TENM2: variants seen among roughly 807,000 people sequenced by gnomAD.
TENM2 encodes the protein teneurin transmembrane protein 2.
Under a neutral mutation model 245.2 loss-of-function variants are expected in TENM2, and 52 were observed. The observed-to-expected ratio is 0.21, with a 90% confidence interval of 0.17 to 0.27. The LOEUF is 0.27. TENM2 is among the 10% of genes least tolerant of loss of function. The pLI is 1.00. For synonymous variants in TENM2, 1,363 were observed against 1,438.9 expected (o/e 0.95, Z 1.19); for missense variants, 3,046 against 3,666.8 (o/e 0.83, Z 4.37).
chr5:167,950,256 T>G (rs1015419649), intron 3 of TENM2, among the ~76,000 whole-genome samples: 1 of 152,156 alleles, frequency 6.6e-6, no homozygotes, highest in Non-Finnish European at 1.5e-5. Context: ...CCCTGGATAT[T>G]GTCAGCACAC....
At chr5:167,336,329 T>A (rs985709911) in intron 1 of TENM2, among the ~76,000 whole-genome samples, 11 of 151,632 alleles carry the variant, frequency 7.3e-5, no homozygotes, top group African/African-American at 2.7e-4. Context: ...CTGCTTGGAG[T>A]GTGTACCAAG....
the TENM2 span, among the ~76,000 whole-genome samples, chr5:167,084,351 A>ATATG: frequency 9.2e-6 from 1 of 108,864 alleles, no homozygotes; most frequent in African/African-American, 3.2e-5. Context: ...ATATATATAT[A>ATATG]TATATATATA....
chr5:167,860,906 G>T (rs1408196535), intron 2 of TENM2, among the ~76,000 whole-genome samples: 1 of 116,134 alleles, frequency 8.6e-6, no homozygotes, highest in Non-Finnish European at 1.8e-5. Context: ...CAAACACTGC[G>T]GAAGGCCGCA....
intron 2 of TENM2, among the ~76,000 whole-genome samples, chr5:167,524,916 G>T (rs1159825924): frequency 6.6e-6 from 1 of 151,916 alleles, no homozygotes; most frequent in Non-Finnish European, 1.5e-5. Flanking sequence ...CCTGGAAGAA[G>T]TTAGCAGCAT....
chr5:167,783,657 G>A (rs1764361217), intron 2 of TENM2, among the ~76,000 whole-genome samples: 1 of 152,182 alleles, frequency 6.6e-6, no homozygotes, highest in Non-Finnish European at 1.5e-5. Context: ...AGATGCTGCT[G>A]GCCTTCTGAG....
intron 2 of TENM2, among the ~76,000 whole-genome samples, chr5:167,715,110 G>T (rs1311562100): frequency 6.6e-6 from 1 of 152,064 alleles, no homozygotes; most frequent in African/African-American, 2.4e-5. Flanking sequence ...AAATCTCTTG[G>T]TCTTGGAAGG....
intron 2 of TENM2, among the ~76,000 whole-genome samples, chr5:167,746,836 G>A (rs1157176618): frequency 6.6e-6 from 1 of 151,994 alleles, no homozygotes; most frequent in Non-Finnish European, 1.5e-5. Flanking sequence ...CTATGTGTGT[G>A]TGCGTGTGTG....
intron 2 of TENM2, among the ~76,000 whole-genome samples, chr5:167,717,156 A>C (rs983798000): frequency 6.6e-6 from 1 of 151,928 alleles, no homozygotes; most frequent in Non-Finnish European, 1.5e-5. Flanking sequence ...GGGTTTCACC[A>C]TGTTGGCCAG....
At chr5:167,128,604 A>G in the TENM2 span, among the ~76,000 whole-genome samples, 1 of 151,742 alleles carries the variant, frequency 6.6e-6, no homozygotes, top group Admixed American at 6.6e-5. Context: ...AGTTAATACC[A>G]AAGCTCTACT....
At chr5:167,797,491 G>A (rs916168489) in intron 2 of TENM2, among the ~76,000 whole-genome samples, 4 of 152,180 alleles carry the variant, frequency 2.6e-5, no homozygotes, top group Non-Finnish European at 4.4e-5. Context: ...CTGGAAGATA[G>A]ATGCTCATTT....
At chr5:167,780,572 G>A (rs1234223356) in intron 2 of TENM2, among the ~76,000 whole-genome samples, 1 of 152,182 alleles carries the variant, frequency 6.6e-6, no homozygotes, top group African/African-American at 2.4e-5. Context: ...AAGCCATGAT[G>A]TGCCTTACAG....
intron 2 of TENM2, among the ~76,000 whole-genome samples, chr5:167,714,576 A>G (rs1393371870): frequency 1.3e-5 from 2 of 152,200 alleles, no homozygotes; most frequent in Non-Finnish European, 2.9e-5. Flanking sequence ...CCAACCTGCT[A>G]GCGTATGGCC....
intron 2 of TENM2, among the ~76,000 whole-genome samples, chr5:167,742,615 G>A (rs964385333): frequency 1.3e-5 from 2 of 152,012 alleles, no homozygotes; most frequent in Non-Finnish European, 2.9e-5. Context: ...GAGGCATTGG[G>A]CTAAAAGAAC....
At chr5:167,943,135 G>T (rs1048281944) in intron 3 of TENM2, among the ~76,000 whole-genome samples, 2 of 152,220 alleles carry the variant, frequency 1.3e-5, no homozygotes, top group Non-Finnish European at 2.9e-5. Flanking sequence ...TATAAGGCAT[G>T]TACCAGGAGA....
At chr5:167,477,441 G>A (rs969430042) in intron 2 of TENM2, among the ~76,000 whole-genome samples, 1 of 152,112 alleles carries the variant, frequency 6.6e-6, no homozygotes, top group Non-Finnish European at 1.5e-5. Context: ...GGCGGGTGGG[G>A]GGGGAGGTCT....
the TENM2 span, among the ~76,000 whole-genome samples, chr5:167,224,930 T>C: frequency 6.6e-6 from 1 of 152,030 alleles, no homozygotes; most frequent in African/African-American, 2.4e-5. Flanking sequence ...TTTGGTTAAA[T>C]TTATTCCTAA....
intron 2 of TENM2, among the ~76,000 whole-genome samples, chr5:167,843,417 A>G (rs1419217071): frequency 6.6e-6 from 1 of 152,176 alleles, no homozygotes; most frequent in Non-Finnish European, 1.5e-5. Flanking sequence ...CGAATTAATC[A>G]TTTTGAGAGC....
chr5:167,663,715 T>G (rs1180248144), intron 2 of TENM2, among the ~76,000 whole-genome samples: 3 of 152,184 alleles, frequency 2.0e-5, no homozygotes, highest in Non-Finnish European at 4.4e-5. Context: ...TCTCATATTT[T>G]AATCTCTGTG....
At chr5:167,887,532 C>T (rs1466157462) in intron 3 of TENM2, among the ~76,000 whole-genome samples, 1 of 152,198 alleles carries the variant, frequency 6.6e-6, no homozygotes, top group Admixed American at 6.5e-5. Flanking sequence ...AGAAAAAATA[C>T]CACAGGGCAT....
Sources: allele counts gnomAD v4.1 joint callset (sites outside exome capture counted in the v4.1 genomes callset), GRCh38; gene constraint gnomAD v4.1.1; transcripts MANE v1.5; gene names NCBI Gene and HGNC (gene_info 2026-07-23, HGNC 2026-07-21).